RD3: variants seen among roughly 807,000 people sequenced by gnomAD.
RD3 encodes the protein protein RD3.
Under a neutral mutation model 16.9 loss-of-function variants are expected in RD3, and 11 were observed. That is an observed-to-expected ratio of 0.65 (90% CI 0.41 to 1.08). The LOEUF (loss-of-function observed/expected upper bound fraction) is 1.08. Among genes scored for constraint, RD3 ranks in the 50% least tolerant of loss-of-function variants. The pLI is 0.00. For synonymous variants in RD3, 116 were observed against 114.8 expected (o/e 1.01, Z -0.07); for missense variants, 274 against 267.4 (o/e 1.02, Z -0.17).
chr1:211,485,103 C>T (rs1290883768), intron 1 of RD3, among the ~76,000 whole-genome samples: 3 of 152,194 alleles, frequency 2.0e-5, no homozygotes, highest in African/African-American at 7.2e-5. Context: ...TGGGGTGCAG[C>T]CTGTATGGGG....
At position 211,481,363 on chromosome 1, in the gene RD3, G is replaced by A. The variant is rs1705256917; in HGVS notation, c.53C>T (p.Thr18Ile). ...RWNEAPSRLS[T>I]RSPAEMVLET... is the part of the protein sequence containing the mutation. Reference sequence around the variant, plus strand: ...CAGCACCATCTCAGCAGGGCTCCTGGTGGACAGCCGGGATGGGGCCTCGTT... The same window carrying A: ...CAGCACCATCTCAGCAGGGCTCCTGATGGACAGCCGGGATGGGGCCTCGTT... Residue 18 changes from threonine to isoleucine, a missense_variant, in exon 2 of 3, where the codon ACC (threonine) becomes ATC (isoleucine). By Grantham distance (89) the Thr-to-Ile change is moderately conservative (BLOSUM62 -1). Transcript: ENST00000680073. 1 of 1,613,942 alleles carries A rather than the reference G, an allele frequency of 6.2e-7. No individual in the cohort carries two copies. The highest frequency in any genetic ancestry group is 8.5e-7 in the Non-Finnish European group (1 of 1,180,038).
chr1:211,490,732 G>A (rs1246507365), intron 1 of RD3, among the ~76,000 whole-genome samples: 2 of 152,136 alleles, frequency 1.3e-5, no homozygotes. Context: ...GGCCTGACCT[G>A]TGGATCCTCT....
At chr1:211,479,474 C>T in intron 2 of RD3, 147 bp from the exon 3 acceptor site, 2 of 717,048 alleles carry the variant, frequency 2.8e-6, no homozygotes, top group Non-Finnish European at 2.3e-6. Context: ...GGAACCACCC[C>T]ACGCTGCTAC....
chr1:211,479,448 C>T (rs1376985457), intron 2 of RD3, 121 bp from the exon 3 acceptor site: 35 of 882,316 alleles, frequency 4.0e-5, no homozygotes, highest in Admixed American at 1.4e-4. Context: ...CTCTACTCTG[C>T]TCCTGAAGCG....
rs1422018665 is a variant in RD3 at position 211,477,890 on chromosome 1, C to G, written c.*1146G>C. ...AACCCCAGAGTGTGTGGGAAGGCCT[C>G]CTGGCCTTCCAGATTTTCCATGGGT... is the stretch of plus-strand genomic sequence containing the variant. On this transcript the variant is annotated 3_prime_UTR_variant, in exon 3 of 3. Coordinates refer to ENST00000680073, the MANE Select transcript of RD3 (RefSeq NM_001164688.2). 2.6e-6 allele frequency: 1 copy of G among 386,806 alleles called. No homozygotes were observed. Among genetic ancestry groups the G allele is most frequent in the Non-Finnish European group, 4.6e-6 (1 of 219,430 alleles). The allele number at this position is 386,806 out of a possible 1,614,324, so 24.0% of individuals were successfully genotyped here. A position where few individuals can be genotyped will look rare whatever the true frequency, so the allele number is the denominator to read the frequency against.
rs886045907 is a variant in RD3 at position 211,492,048 on chromosome 1, G to GGGGT, written c.-293_-292insACCC. On this transcript the variant is annotated 5_prime_UTR_variant, in exon 1 of 3. An upstream open reading frame in the 5' UTR loses its in-frame stop. Coordinates refer to ENST00000680073, the MANE Select transcript of RD3 (RefSeq NM_001164688.2). ...TGGACTATTGTTTGTGGGGTGTGTA[G>GGGGT]GTGTGTGTGTGTGTGTGTGTGTGTG... The GGGGT allele has an allele frequency of 2.2e-5, 3 of 137,868 alleles. No individual in the cohort carries two copies. The highest frequency in any genetic ancestry group is 4.8e-5 in the Non-Finnish European group (3 of 62,962). The allele number at this position is 137,868 out of a possible 1,614,324, so 8.5% of individuals were successfully genotyped here.
At chr1:211,483,971 G>C (rs937479308) in intron 1 of RD3, among the ~76,000 whole-genome samples, 1 of 152,184 alleles carries the variant, frequency 6.6e-6, no homozygotes, top group Non-Finnish European at 1.5e-5. Flanking sequence ...CCATGCCTTT[G>C]TCATGTTCCT....
chr1:211,490,006 C>T (rs1311509074), intron 1 of RD3, among the ~76,000 whole-genome samples: 1 of 152,198 alleles, frequency 6.6e-6, no homozygotes, highest in Admixed American at 6.5e-5. Flanking sequence ...TCAGAGCCTT[C>T]CTTTCAGCCT....
chr1:211,488,621 C>G (rs956009904), intron 1 of RD3, among the ~76,000 whole-genome samples: 1 of 151,346 alleles, frequency 6.6e-6, no homozygotes, highest in Admixed American at 6.6e-5. Flanking sequence ...TGACACAAAA[C>G]AAGAAGAAAA....
chr1:211,489,222 G>A (rs188065890), intron 1 of RD3, among the ~76,000 whole-genome samples: 5 of 152,224 alleles, frequency 3.3e-5, no homozygotes, highest in East Asian at 3.9e-4. Flanking sequence ...TACCATTGTC[G>A]CTTAGTACAG....
intron 1 of RD3, among the ~76,000 whole-genome samples, chr1:211,483,887 C>T (rs559264296): frequency 6.6e-6 from 1 of 152,296 alleles, no homozygotes; most frequent in East Asian, 1.9e-4. Flanking sequence ...GGTGTAGCCA[C>T]TGAAGAGCAC....
chr1:211,490,736 A>G (rs1352750465), intron 1 of RD3, among the ~76,000 whole-genome samples: 3 of 152,044 alleles, frequency 2.0e-5, no homozygotes, highest in Non-Finnish European at 4.4e-5. Context: ...TGACCTGTGG[A>G]TCCTCTGCCC....
chr1:211,489,889 C>T (rs1705453033), intron 1 of RD3, among the ~76,000 whole-genome samples: 1 of 152,164 alleles, frequency 6.6e-6, no homozygotes, highest in Non-Finnish European at 1.5e-5. Flanking sequence ...CTCGCACGTT[C>T]TGTCTCTGCC....
chr1:211,482,894 A>T (rs1489982681), intron 1 of RD3, among the ~76,000 whole-genome samples: 2 of 151,744 alleles, frequency 1.3e-5, no homozygotes. Flanking sequence ...GACCCTCCAT[A>T]CGCAGAGAAA....
chr1:211,484,938 G>A (rs1385678827), intron 1 of RD3, among the ~76,000 whole-genome samples: 1 of 152,236 alleles, frequency 6.6e-6, no homozygotes, highest in African/African-American at 2.4e-5. Flanking sequence ...CCCCTTCTGT[G>A]GGGAAGTGGG....
chr1:211,490,511 G>T (rs904300517), intron 1 of RD3, among the ~76,000 whole-genome samples: 1 of 152,242 alleles, frequency 6.6e-6, no homozygotes, highest in Non-Finnish European at 1.5e-5. Flanking sequence ...CAGCTTCACT[G>T]CAGGGGCAGG....
At chr1:211,490,639 A>G (rs987336688) in intron 1 of RD3, among the ~76,000 whole-genome samples, 16 of 152,240 alleles carry the variant, frequency 1.1e-4, no homozygotes, top group African/African-American at 3.9e-4. Context: ...GCCCAAGTCC[A>G]ACTTTACAGA....
At chr1:211,491,156 C>T (rs1705482245) in intron 1 of RD3, among the ~76,000 whole-genome samples, 2 of 152,162 alleles carry the variant, frequency 1.3e-5, no homozygotes, top group African/African-American at 4.8e-5. Context: ...TCCTTCTAGG[C>T]CCGATCTCCC....
chr1:211,485,757 C>T (rs760417110), intron 1 of RD3, among the ~76,000 whole-genome samples: 10 of 152,208 alleles, frequency 6.6e-5, no homozygotes, highest in Non-Finnish European at 1.3e-4. Context: ...CGAGTGGCAG[C>T]GCCATGGTGA....
Sources: gnomAD v4.1 joint callset for allele counts (sites outside exome capture counted in the v4.1 genomes callset) on GRCh38, gnomAD v4.1.1 for gene constraint, MANE v1.5 for transcripts, NCBI Gene and HGNC (gene_info 2026-07-23, HGNC 2026-07-21) for gene names.